ZFYVE1: variants seen among roughly 807,000 people sequenced by gnomAD.
ZFYVE1 encodes zinc finger FYVE-type containing 1.
A neutral mutation model predicts 74.4 loss-of-function variants in ZFYVE1; 30 were observed. The observed-to-expected ratio is 0.40, with a 90% confidence interval of 0.30 to 0.55. The LOEUF (loss-of-function observed/expected upper bound fraction) is 0.55, where lower values mean the gene tolerates loss of function less well. Among genes scored for constraint, ZFYVE1 ranks in the 20% least tolerant of loss-of-function variants. The pLI is 0.42. For missense variants in ZFYVE1, 703 were observed against 1,011.6 expected, an observed-to-expected ratio of 0.69 and a Z score of 4.14; for synonymous variants, 335 against 385.1, an observed-to-expected ratio of 0.87 and a Z score of 1.52.
intron 4 of ZFYVE1, 94 bp from the exon 5 acceptor site, chr14:72,981,989 C>T (rs925355408): frequency 4.5e-5 from 46 of 1,026,760 alleles, no homozygotes; most frequent in Admixed American, 1.7e-4. Context: ...AACACAGGCA[C>T]AGAAGAAATC....
At chr14:73,014,507 G>T (rs1894151016) in intron 2 of ZFYVE1, among the ~76,000 whole-genome samples, 1 of 152,088 alleles carries the variant, frequency 6.6e-6, no homozygotes, top group Non-Finnish European at 1.5e-5. Context: ...CCAACTATTG[G>T]TTATTATTTT....
chr14:73,011,917 C>T (rs961173424), intron 2 of ZFYVE1, among the ~76,000 whole-genome samples: 2 of 151,326 alleles, frequency 1.3e-5, no homozygotes, highest in African/African-American at 4.8e-5. Flanking sequence ...ATTCAATCTT[C>T]TTCAAAAGAA....
Position 73,024,020 on chromosome 14 carries a change from G to A in ZFYVE1, c.483+6C>T. The stretch of plus-strand genomic sequence containing the variant: ...CACATGAATCCCACTATACCCGTGT[G>A]CTTACCTGAATTTCTTCATTTTCGT... On this transcript the variant is annotated splice_donor_region_variant and intron_variant, in intron 2 of 11. Coordinates refer to ENST00000556143, the MANE Select transcript of ZFYVE1 (RefSeq NM_021260.4). 3 of 1,612,958 alleles carry A rather than the reference G, an allele frequency of 1.9e-6. No individual in the cohort carries two copies. Among genetic ancestry groups the A allele is most frequent in the Non-Finnish European group, 2.5e-6 (3 of 1,179,636 alleles).
At chr14:72,986,861 A>G in intron 4 of ZFYVE1, 2 of 984,976 alleles carry the variant, frequency 2.0e-6, no homozygotes, top group South Asian at 4.7e-5. Flanking sequence ...CCTGATCCAT[A>G]TACTTATTAG....
chr14:73,009,865 C>T (rs1285849053), intron 2 of ZFYVE1, among the ~76,000 whole-genome samples: 2 of 151,832 alleles, frequency 1.3e-5, no homozygotes, highest in East Asian at 1.9e-4. Context: ...CCCAGCAGTT[C>T]GGGAGGCTGA....
intron 8 of ZFYVE1, among the ~76,000 whole-genome samples, chr14:72,977,482 A>G (rs1438613793): frequency 6.6e-6 from 1 of 152,214 alleles, no homozygotes; most frequent in Non-Finnish European, 1.5e-5. Flanking sequence ...AAAATTTCCT[A>G]TAACAAAAAA....
At chr14:72,992,531 T>C (rs966278377) in intron 4 of ZFYVE1, among the ~76,000 whole-genome samples, 1 of 151,598 alleles carries the variant, frequency 6.6e-6, no homozygotes, top group African/African-American at 2.4e-5. Context: ...CTTTGGTATA[T>C]AACAAATAGT....
At position 72,977,885 on chromosome 14, in the gene ZFYVE1, G is replaced by T. The variant is rs774179956; in HGVS notation, c.1635+42C>A. 28 of 1,592,758 alleles carry T rather than the reference G, an allele frequency of 1.8e-5. 1 individual carries two copies. In the South Asian group the frequency reaches 2.9e-4, roughly 17 times the overall value. On this transcript the variant is annotated intron_variant, in intron 8 of 11. Transcript: ENST00000556143. ...TTTCTATACACATGAAAAACTGAACGACACAAGATAAAGAAAAACAGAGAA... is the reference window on the plus strand; with the variant it reads ...TTTCTATACACATGAAAAACTGAACTACACAAGATAAAGAAAAACAGAGAA...
At chr14:72,978,302 T>C in intron 6 of ZFYVE1, 68 bp from the exon 7 acceptor site, 1 of 1,510,814 alleles carries the variant, frequency 6.6e-7, no homozygotes, top group Non-Finnish European at 9.1e-7. Context: ...GACACGGGGT[T>C]TTACCAGCCC....
intron 8 of ZFYVE1, 63 bp downstream of exon 8, chr14:72,977,864 T>C: frequency 6.5e-7 from 1 of 1,534,154 alleles, no homozygotes; most frequent in Admixed American, 1.7e-5. Context: ...TCCAGTTTTC[T>C]ATACACATGA....
chr14:73,003,054 C>CTTTTTTTTTTTT (rs201185010), intron 2 of ZFYVE1, among the ~76,000 whole-genome samples: 3 of 102,970 alleles, frequency 2.9e-5, no homozygotes, highest in Non-Finnish European at 5.5e-5. Flanking sequence ...TTTTTCTTTT[C>CTTTTTTTTTTTT]TTTTTTTTTT....
intron 4 of ZFYVE1, among the ~76,000 whole-genome samples, chr14:72,988,890 A>G (rs1893545321): frequency 6.6e-6 from 1 of 150,628 alleles, no homozygotes; most frequent in Non-Finnish European, 1.5e-5. Context: ...ATATATATAC[A>G]TACACGCACA....
intron 2 of ZFYVE1, among the ~76,000 whole-genome samples, chr14:73,004,042 A>G (rs1893928565): frequency 6.6e-6 from 1 of 152,184 alleles, no homozygotes; most frequent in Non-Finnish European, 1.5e-5. Flanking sequence ...ACACAGCAGC[A>G]TTTCATAAAC....
intron 2 of ZFYVE1, among the ~76,000 whole-genome samples, chr14:73,007,428 C>A (rs773320807): frequency 6.6e-6 from 1 of 152,028 alleles, no homozygotes; most frequent in Non-Finnish European, 1.5e-5. Flanking sequence ...GCTCTGTTGC[C>A]CAGGTTGGAA....
intron 2 of ZFYVE1, among the ~76,000 whole-genome samples, chr14:73,003,427 T>A (rs374258206): frequency 1.1e-4 from 17 of 152,156 alleles, no homozygotes; most frequent in East Asian, 9.6e-4. Flanking sequence ...AACCTTTGTT[T>A]CCTATAATCT....
At chr14:73,005,325 G>A (rs1362611312) in intron 2 of ZFYVE1, among the ~76,000 whole-genome samples, 1 of 152,084 alleles carries the variant, frequency 6.6e-6, no homozygotes, top group Admixed American at 6.6e-5. Flanking sequence ...CTACTTGTTC[G>A]GCTTGTCTAC....
At position 72,992,626 on chromosome 14, in the gene ZFYVE1, C is replaced by CCCCCCG. The variant is rs777800671; in HGVS notation, c.1203+516_1203+517insCGGGGG. 2.8e-5 allele frequency among the ~76,000 whole-genome samples: 3 copies of CCCCCCG among 108,982 alleles called. No individual in the cohort carries two copies. The Admixed American group carries it at 2.8e-4, about 10-fold the overall frequency. The allele number at this position is 108,982 out of a possible 152,430, so 71.5% of individuals were successfully genotyped here. ...GGTCCCATTCAGGTGCCCCCCCCGCCCCTTGCAAGAGAGAGAGAGCTGTTC... is the reference window on the plus strand; with the variant it reads ...GGTCCCATTCAGGTGCCCCCCCCGCCCCCCCGCCTTGCAAGAGAGAGAGAGCTGTTC... On this transcript the variant is annotated intron_variant, in intron 4 of 11. Coordinates refer to ENST00000556143, the MANE Select transcript of ZFYVE1 (RefSeq NM_021260.4).
intron 2 of ZFYVE1, among the ~76,000 whole-genome samples, chr14:73,018,939 CAA>C (rs61506461): frequency 4.2e-4 from 36 of 85,628 alleles, no homozygotes; most frequent in Admixed American, 8.7e-4. Context: ...GACTCCATCT[CAA>C]AAAAAAAAAA....
At chr14:73,021,412 A>C (rs146820752) in intron 2 of ZFYVE1, among the ~76,000 whole-genome samples, 268 of 152,244 alleles carry the variant, frequency 1.8e-3, no homozygotes, top group Middle Eastern at 3.4e-3. Flanking sequence ...AGATGTGACA[A>C]CACCAATCCG....
Sources: allele counts gnomAD v4.1 joint callset (sites outside exome capture counted in the v4.1 genomes callset), GRCh38; gene constraint gnomAD v4.1.1; transcripts MANE v1.5; gene names NCBI Gene and HGNC (gene_info 2026-07-23, HGNC 2026-07-21).